The following RIMS1 variants were observed in gnomAD, a reference collection of about 807,000 sequenced individuals.
The protein encoded by RIMS1 is regulating synaptic membrane exocytosis protein 1.
RIMS1 carries 83 observed loss-of-function variants against 214.1 expected under a neutral mutation model. The observed-to-expected ratio is 0.39, with a 90% CI of 0.32 to 0.47. RIMS1 has a LOEUF of 0.47. RIMS1 is among the 20% of genes least tolerant of loss of function. The pLI, the probability that RIMS1 is intolerant of heterozygous loss-of-function variation, is 0.99. For missense variants in RIMS1, 2,050 were observed against 2,161.8 expected (o/e 0.95, Z 1.03); for synonymous variants, 793 against 786.8 (o/e 1.01, Z -0.13).
At chr6:72,216,483 T>A in intron 6 of RIMS1, 3 of 985,466 alleles carry the variant, frequency 3.0e-6, no homozygotes, top group African/African-American at 3.5e-5. Flanking sequence ...TTCCCAACAA[T>A]CAATTGTGTA....
At chr6:72,289,978 A>G (rs958427969) in intron 24 of RIMS1, among the ~76,000 whole-genome samples, 3 of 152,182 alleles carry the variant, frequency 2.0e-5, no homozygotes, top group African/African-American at 7.2e-5. Flanking sequence ...ATAATTTTAA[A>G]CGCCATAGTA....
chr6:72,137,120 G>A (rs1352871604), intron 4 of RIMS1, among the ~76,000 whole-genome samples: 1 of 151,946 alleles, frequency 6.6e-6, no homozygotes, highest in East Asian at 1.9e-4. Flanking sequence ...ATTTAGTGAG[G>A]TGGCTAAATA....
rs114681735 is a variant in RIMS1 at position 72,336,601 on chromosome 6, A to G, written c.4366+2766A>G. Reference sequence around the variant, plus strand: ...GAACTTTGACTTCTCTCTACAACTCAGTTTTCTTATATAATGATGGGTTGA... The same window carrying G: ...GAACTTTGACTTCTCTCTACAACTCGGTTTTCTTATATAATGATGGGTTGA... On this transcript the variant is annotated intron_variant, in intron 29 of 33. Coordinates refer to ENST00000521978, the MANE Select transcript of RIMS1 (RefSeq NM_014989.7). Among the ~76,000 whole-genome samples, 987 of 151,846 alleles carry G rather than the reference A, an allele frequency of 6.5e-3. 7 individuals carry two copies. Among genetic ancestry groups the G allele is most frequent in the African/African-American group, 0.021 (880 of 41,496 alleles).
chr6:72,133,624 C>T (rs1391096472), intron 4 of RIMS1, among the ~76,000 whole-genome samples: 5 of 152,130 alleles, frequency 3.3e-5, no homozygotes, highest in African/African-American at 4.8e-5. Flanking sequence ...GTCAAATATA[C>T]TCCATTTGGA....
intron 22 of RIMS1, among the ~76,000 whole-genome samples, chr6:72,270,259 T>A (rs1311899784): frequency 6.6e-6 from 1 of 152,058 alleles, no homozygotes; most frequent in Non-Finnish European, 1.5e-5. Context: ...TAAGTTAAAT[T>A]TAGTTTAAAA....
chr6:71,943,602 G>A (rs1786876204), intron 1 of RIMS1, among the ~76,000 whole-genome samples: 1 of 152,118 alleles, frequency 6.6e-6, no homozygotes, highest in African/African-American at 2.4e-5. Flanking sequence ...CACATCAAAG[G>A]ACCGGCTGTT....
In RIMS1 at chr6:72,198,145, C is replaced by T. The variant is rs2051300295; in HGVS notation, c.1678+14996C>T. On this transcript the variant is annotated intron_variant, in intron 6 of 33. Coordinates refer to ENST00000521978, the MANE Select transcript of RIMS1 (RefSeq NM_014989.7). The stretch of plus-strand genomic sequence containing the variant: ...GGAAATCAGAATATCAAAGGGATAC[C>T]TGCGCTCACATGTTTATTGAAGCAC... Among the ~76,000 whole-genome samples the T allele has an allele frequency of 2.6e-5, 4 of 152,050 alleles. No homozygotes were observed. The South Asian group carries it at 8.3e-4, about 32-fold the overall frequency.
chr6:72,222,197 C>T (rs2058675472), intron 6 of RIMS1, among the ~76,000 whole-genome samples: 1 of 151,810 alleles, frequency 6.6e-6, no homozygotes, highest in Admixed American at 6.6e-5. Context: ...TTTATCAGTG[C>T]TAATGGTTTG....
At chr6:72,008,842 C>G (rs1028182246) in intron 2 of RIMS1, among the ~76,000 whole-genome samples, 4 of 152,256 alleles carry the variant, frequency 2.6e-5, no homozygotes, top group Admixed American at 2.6e-4. Flanking sequence ...TAGAGACCTA[C>G]AAAGAGACTT....
At chr6:72,384,804 T>C (rs2098556100) in intron 29 of RIMS1, among the ~76,000 whole-genome samples, 1 of 152,242 alleles carries the variant, frequency 6.6e-6, no homozygotes, top group Admixed American at 6.5e-5. Context: ...GTATTCCCTA[T>C]TCTATCTTAT....
At position 72,259,234 on chromosome 6, in the gene RIMS1, A is replaced by G; in HGVS notation, c.3053+123A>G. On this transcript the variant is annotated intron_variant, in intron 18 of 33. Coordinates refer to ENST00000521978, the MANE Select transcript of RIMS1 (RefSeq NM_014989.7). Reference sequence around the variant, plus strand: ...TATCACTCAAAAATGAGCTGCTCTCAAGCAACAACTGTTAACATATTGTAA... The same window carrying G: ...TATCACTCAAAAATGAGCTGCTCTCGAGCAACAACTGTTAACATATTGTAA... 3 of 645,656 alleles carry G rather than the reference A, an allele frequency of 4.6e-6. No homozygotes were observed. In the African/African-American group the frequency reaches 5.5e-5, roughly 12 times the overall value. The allele number at this position is 645,656 out of a possible 1,614,324, so 40.0% of individuals were successfully genotyped here. A position where few individuals can be genotyped will look rare whatever the true frequency, so the allele number is the denominator to read the frequency against.
chr6:72,199,362 G>A (rs2051524371), intron 6 of RIMS1, among the ~76,000 whole-genome samples: 1 of 152,124 alleles, frequency 6.6e-6, no homozygotes, highest in African/African-American at 2.4e-5. Flanking sequence ...GCCTGACAGT[G>A]CATCTATAGA....
At chr6:72,260,949 A>G in intron 19 of RIMS1, 182 bp downstream of exon 19, 1 of 1,408,290 alleles carries the variant, frequency 7.1e-7, no homozygotes, top group Non-Finnish European at 9.3e-7. Flanking sequence ...TTCAGTTCCG[A>G]TTCAGGCTGA....
At chr6:72,276,218 C>G (rs766577935) in intron 23 of RIMS1, among the ~76,000 whole-genome samples, 20 of 152,064 alleles carry the variant, frequency 1.3e-4, no homozygotes, top group Non-Finnish European at 2.8e-4. Context: ...CTGCCCCCTC[C>G]GATCCCCAAG....
intron 1 of RIMS1, among the ~76,000 whole-genome samples, chr6:71,963,413 A>C (rs959318070): frequency 6.6e-6 from 1 of 152,192 alleles, no homozygotes; most frequent in Non-Finnish European, 1.5e-5. Context: ...ATTTTGGTAC[A>C]TGATAGGTAT....
intron 29 of RIMS1, among the ~76,000 whole-genome samples, chr6:72,359,881 C>G (rs1431719551): frequency 6.6e-6 from 1 of 152,150 alleles, no homozygotes; most frequent in African/African-American, 2.4e-5. Context: ...AAAATCATGA[C>G]AACAACCCAC....
At chr6:72,152,791 G>T (rs2043825498) in intron 4 of RIMS1, among the ~76,000 whole-genome samples, 2 of 104,760 alleles carry the variant, frequency 1.9e-5, no homozygotes, top group East Asian at 2.8e-4. Flanking sequence ...TATATATATG[G>T]AATATATGTA....
At chr6:72,303,906 C>G (rs1421640504) in intron 26 of RIMS1, among the ~76,000 whole-genome samples, 1 of 151,450 alleles carries the variant, frequency 6.6e-6, no homozygotes, top group Non-Finnish European at 1.5e-5. Flanking sequence ...AACTAAGATA[C>G]ATACATTTTG....
chr6:72,174,428 G>T (rs1446256355), intron 4 of RIMS1, among the ~76,000 whole-genome samples: 1 of 152,076 alleles, frequency 6.6e-6, no homozygotes, highest in Non-Finnish European at 1.5e-5. Flanking sequence ...TATACAGAGA[G>T]CCCCAACTGT....
Sources: gnomAD v4.1 joint callset for allele counts (sites outside exome capture counted in the v4.1 genomes callset) on GRCh38, gnomAD v4.1.1 for gene constraint, MANE v1.5 for transcripts, NCBI Gene and HGNC (gene_info 2026-07-23, HGNC 2026-07-21) for gene names.